Variants in BBS9 observed in about 807,000 individuals in gnomAD.
BBS9 encodes the protein protein PTHB1.
BBS9 carries 89 observed loss-of-function variants against 117.7 expected under a neutral mutation model. The ratio of observed to expected loss-of-function variants is 0.76; its 90% CI spans 0.64 to 0.90. BBS9 has a LOEUF of 0.90. BBS9 is among the 40% of genes least tolerant of loss of function. The pLI is 0.00. For synonymous variants in BBS9, 379 were observed against 370.9 expected (o/e 1.02, Z -0.25); for missense variants, 982 against 1,042.2 (o/e 0.94, Z 0.80).
chr7:33,606,849 C>T (rs116354207), downstream of BBS9, among the ~76,000 whole-genome samples: 3 of 152,002 alleles, frequency 2.0e-5, no homozygotes, highest in African/African-American at 4.8e-5. Flanking sequence ...TTATTATATT[C>T]TCCTCGTTTT....
intron 5 of BBS9, among the ~76,000 whole-genome samples, chr7:33,220,230 A>T (rs1432407720): frequency 6.6e-6 from 1 of 152,150 alleles, no homozygotes; most frequent in African/African-American, 2.4e-5. Context: ...ATATTGCCTC[A>T]CAGTTGGGAA....
chr7:33,148,730 T>C (rs1792820135), intron 2 of BBS9, among the ~76,000 whole-genome samples: 1 of 149,588 alleles, frequency 6.7e-6, no homozygotes, highest in African/African-American at 2.5e-5. Flanking sequence ...AGTGGCATGA[T>C]CATGGCTCAC....
At chr7:33,342,547 A>G (rs560723156) in intron 11 of BBS9, among the ~76,000 whole-genome samples, 1 of 152,244 alleles carries the variant, frequency 6.6e-6, no homozygotes, top group Admixed American at 6.5e-5. Context: ...ATATTTCCCT[A>G]TTGGTAACCC....
intron 5 of BBS9, among the ~76,000 whole-genome samples, chr7:33,245,711 T>A (rs942288533): frequency 6.6e-6 from 1 of 152,168 alleles, no homozygotes; most frequent in Non-Finnish European, 1.5e-5. Flanking sequence ...TTTAACATAG[T>A]TTCTTGCTTT....
In BBS9 at chr7:33,226,135, GTGAT is replaced by G. The variant is rs533848733; in HGVS notation, c.443-31098_443-31095del. ...GGAACCTATAGATTCTCACTGGTGAGTGATTGTCAGTGCAGTTTGAAAAGTGATC... is the reference window on the plus strand; with the variant it reads ...GGAACCTATAGATTCTCACTGGTGAGTGTCAGTGCAGTTTGAAAAGTGATC... On this transcript the variant is annotated intron_variant, in intron 5 of 22. Transcript: ENST00000242067. 3.3e-3 allele frequency among the ~76,000 whole-genome samples: 499 copies of G among 152,298 alleles called. 2 individuals are homozygous for G. The highest frequency in any genetic ancestry group is 0.011 in the African/African-American group (476 of 41,572).
chr7:33,437,292 C>T lies in BBS9; in HGVS notation c.2115+49148C>T, dbSNP rs367704524. ...ATGGCTCACCCTTTGTGAAAGGCCA[C>T]GCAGCTGACCTCTCTGCTCCCACAC... On this transcript the variant is annotated intron_variant, in intron 19 of 22. Coordinates refer to ENST00000242067, the MANE Select transcript of BBS9 (RefSeq NM_198428.3). Among the ~76,000 whole-genome samples, 324 of 152,284 alleles carry T rather than the reference C, an allele frequency of 2.1e-3. 9 individuals are homozygous for T. The South Asian group carries it at 0.04, about 19-fold the overall frequency.
intron 17 of BBS9, among the ~76,000 whole-genome samples, chr7:33,376,312 C>G (rs919480531): frequency 1.3e-5 from 2 of 152,012 alleles, no homozygotes; most frequent in Admixed American, 6.6e-5. Context: ...ATTGTTCCTG[C>G]ATTAGTTTGC....
At chr7:33,382,373 T>A (rs1342593518) in intron 17 of BBS9, among the ~76,000 whole-genome samples, 3 of 150,396 alleles carry the variant, frequency 2.0e-5, no homozygotes, top group Non-Finnish European at 1.5e-5. Flanking sequence ...GGCATGAGAA[T>A]CACTTGGACC....
chr7:33,250,347 CTGT>C (rs1796034945), intron 5 of BBS9, among the ~76,000 whole-genome samples: 1 of 152,102 alleles, frequency 6.6e-6, no homozygotes, highest in Non-Finnish European at 1.5e-5. Flanking sequence ...GTTAATATTG[CTGT>C]TGTTCCATAT....
At chr7:33,321,999 A>G (rs879171320) in intron 9 of BBS9, among the ~76,000 whole-genome samples, 6 of 152,058 alleles carry the variant, frequency 3.9e-5, no homozygotes, top group Middle Eastern at 3.4e-3. Flanking sequence ...TTTGTCCTTC[A>G]TTGTGTTGAT....
intron 5 of BBS9, among the ~76,000 whole-genome samples, chr7:33,207,911 G>A (rs200985652): frequency 3.7e-4 from 56 of 152,028 alleles, no homozygotes; most frequent in Non-Finnish European, 7.4e-4. Context: ...GGGTTCAAGC[G>A]ATTCTCCTGC....
chr7:33,527,699 A>G (rs1450985471), intron 20 of BBS9, among the ~76,000 whole-genome samples: 1 of 151,816 alleles, frequency 6.6e-6, no homozygotes, highest in Non-Finnish European at 1.5e-5. Flanking sequence ...TGCAGAAATC[A>G]CCCGTCTTCT....
At position 33,210,981 on chromosome 7, in the gene BBS9, G is replaced by GT. The variant is rs558823860; in HGVS notation, c.442+33391dup. Among the ~76,000 whole-genome samples, 4 of 152,250 alleles carry GT rather than the reference G, an allele frequency of 2.6e-5. 1 individual carries two copies. The South Asian group carries it at 8.3e-4, about 32-fold the overall frequency. Reference sequence around the variant, plus strand: ...GAATTATCTTTTGTTTTATATAAGTGTAGCTACTCTGGCTCTTCTTTTGAT... The same window carrying GT: ...GAATTATCTTTTGTTTTATATAAGTGTTAGCTACTCTGGCTCTTCTTTTGAT... On this transcript the variant is annotated intron_variant, in intron 5 of 22. Transcript: ENST00000242067.
chr7:33,210,481 G>T (rs949009995), intron 5 of BBS9, among the ~76,000 whole-genome samples: 43 of 152,226 alleles, frequency 2.8e-4, no homozygotes, highest in African/African-American at 8.7e-4. Context: ...TGAAAGTGGG[G>T]TGTTGACATT....
At chr7:33,357,757 A>G in intron 15 of BBS9, 98 bp from the exon 16 acceptor site, 1 of 1,309,732 alleles carries the variant, frequency 7.6e-7, no homozygotes. Context: ...CAACAAGCAA[A>G]CCAAGATATA....
At chr7:33,133,199 C>G (rs1789898300) in intron 1 of BBS9, among the ~76,000 whole-genome samples, 1 of 152,026 alleles carries the variant, frequency 6.6e-6, no homozygotes, top group South Asian at 2.1e-4. Flanking sequence ...AAATGAACCC[C>G]CATGTATCCA....
intron 19 of BBS9, among the ~76,000 whole-genome samples, chr7:33,428,742 AATT>A (rs1307889840): frequency 6.6e-6 from 1 of 152,186 alleles, no homozygotes; most frequent in Non-Finnish European, 1.5e-5. Context: ...AGAGAATAAT[AATT>A]AATATACAGA....
At chr7:33,378,492 G>A (rs950670522) in intron 17 of BBS9, among the ~76,000 whole-genome samples, 2 of 152,148 alleles carry the variant, frequency 1.3e-5, no homozygotes, top group African/African-American at 4.8e-5. Context: ...CTTTAGAGAG[G>A]GAAGTCTTTG....
intron 5 of BBS9, among the ~76,000 whole-genome samples, chr7:33,181,416 A>C (rs1419214958): frequency 1.3e-5 from 2 of 152,310 alleles, no homozygotes; most frequent in African/African-American, 4.8e-5. Flanking sequence ...ATTATTTTTA[A>C]TATAACTTGG....
Sources: gnomAD v4.1 joint callset for allele counts (sites outside exome capture counted in the v4.1 genomes callset) on GRCh38, gnomAD v4.1.1 for gene constraint, MANE v1.5 for transcripts, NCBI Gene and HGNC (gene_info 2026-07-23, HGNC 2026-07-21) for gene names.